Variants in SLC45A4 observed in about 807,000 individuals in gnomAD.
SLC45A4 encodes the protein solute carrier family 45 member 4, also known as polyamine-transporter SLC45A4.
A neutral mutation model predicts 63.7 loss-of-function variants in SLC45A4; 32 were observed. The ratio of observed to expected loss-of-function variants is 0.50; its 90% CI spans 0.38 to 0.67. The LOEUF (loss-of-function observed/expected upper bound fraction) is 0.67. SLC45A4 is among the 30% of genes least tolerant of loss of function. The pLI is 0.00. For missense variants in SLC45A4, 1,027 were observed against 1,157.7 expected, an observed-to-expected ratio of 0.89 and a Z score of 1.64; for synonymous variants, 535 against 510.0, an observed-to-expected ratio of 1.05 and a Z score of -0.66.
rs1385517432 is a variant in SLC45A4, at chr8:141,254,020, G to A, written c.210C>T (p.Thr70=). ...FGREFCYAME[T]ALVTPILLQI... is the part of the protein sequence containing the mutation. ...GCAACAGTATTGGTGTGACCAGAGC[G>A]GTTTCCATGGCGTAACAGAACTCCC... Residue 70 remains threonine, a synonymous_variant, in exon 2 of 9, where the codon ACC becomes ACT. Transcript: ENST00000517878. This position sits in a 1 kb window ranked among gnomAD's most constrained non-coding sequence, Gnocchi z 4.5. 66 of 1,536,142 alleles carry A rather than the reference G, an allele frequency of 4.3e-5. No individual in the cohort carries two copies. The highest frequency in any genetic ancestry group is 3.3e-4 in the Middle Eastern group (2 of 5,988).
intron 1 of SLC45A4, among the ~76,000 whole-genome samples, chr8:141,255,394 T>C (rs1164434323): frequency 6.6e-6 from 1 of 152,136 alleles, no homozygotes; most frequent in Admixed American, 6.5e-5. Flanking sequence ...AGGGAAACTG[T>C]AGACCCTGCC....
intron 1 of SLC45A4, among the ~76,000 whole-genome samples, chr8:141,300,262 C>G (rs770053932): frequency 2.6e-5 from 4 of 152,182 alleles, no homozygotes; most frequent in Non-Finnish European, 5.9e-5. Context: ...ACCCCAGGTC[C>G]GTCAAATCTC....
chr8:141,226,147 C>G (rs1279669405), intron 2 of SLC45A4: 1 of 152,368 alleles, frequency 6.6e-6, no homozygotes, highest in East Asian at 1.9e-4. Context: ...CCTGCGGTGT[C>G]AGGGCCCGCG....
At chr8:141,291,738 A>C (rs983713220) in intron 1 of SLC45A4, among the ~76,000 whole-genome samples, 11 of 152,222 alleles carry the variant, frequency 7.2e-5, no homozygotes, top group Non-Finnish European at 1.6e-4. Context: ...TCCCTGGGTC[A>C]ATGTTACTGG....
intron 2 of SLC45A4, among the ~76,000 whole-genome samples, chr8:141,231,183 T>G (rs1589789928): frequency 6.7e-6 from 1 of 150,322 alleles, no homozygotes. Flanking sequence ...GTGCGGAGGG[T>G]GGGATGAAGG....
At chr8:141,294,022 G>C (rs1008986723) in intron 1 of SLC45A4, among the ~76,000 whole-genome samples, 2 of 152,146 alleles carry the variant, frequency 1.3e-5, no homozygotes, top group African/African-American at 4.8e-5. Flanking sequence ...TTTGAACAAG[G>C]GTTGAGACAT....
intron 7 of SLC45A4, 135 bp from the exon 8 acceptor site, chr8:141,212,691 G>A: frequency 9.4e-7 from 1 of 1,062,804 alleles, no homozygotes; most frequent in Non-Finnish European, 1.3e-6. Context: ...AACCACTCCT[G>A]CCTGAGCACC....
chr8:141,243,892 A>AACATATAAT (rs1828036616), intron 2 of SLC45A4, among the ~76,000 whole-genome samples: 1 of 152,150 alleles, frequency 6.6e-6, no homozygotes, highest in Non-Finnish European at 1.5e-5. Context: ...CTTTACTATA[A>AACATATAAT]ACATATAATA....
intron 1 of SLC45A4, among the ~76,000 whole-genome samples, chr8:141,303,394 C>T (rs1830809616): frequency 6.6e-6 from 1 of 150,820 alleles, no homozygotes; most frequent in South Asian, 2.1e-4. Context: ...CCTGCCTCAG[C>T]CTCCAAGAGT....
intron 1 of SLC45A4, among the ~76,000 whole-genome samples, chr8:141,288,046 T>C (rs1196713390): frequency 1.3e-5 from 2 of 152,174 alleles, no homozygotes; most frequent in African/African-American, 4.8e-5. Context: ...TGGTGGTGGC[T>C]CACATCTGTA....
chr8:141,269,563 A>C (rs1048953283), intron 1 of SLC45A4, among the ~76,000 whole-genome samples: 2 of 139,858 alleles, frequency 1.4e-5, no homozygotes, highest in African/African-American at 2.7e-5. Context: ...TCTGTGTGTC[A>C]ATGTCTGCCT....
chr8:141,213,644 A>G (rs1406949065), intron 7 of SLC45A4, among the ~76,000 whole-genome samples: 1 of 152,256 alleles, frequency 6.6e-6, no homozygotes, highest in Non-Finnish European at 1.5e-5. Flanking sequence ...AGCAACAGCA[A>G]ATTAAACCAA....
intron 1 of SLC45A4, among the ~76,000 whole-genome samples, chr8:141,283,704 A>G (rs1830042134): frequency 1.3e-5 from 2 of 152,214 alleles, no homozygotes; most frequent in Non-Finnish European, 1.5e-5. Context: ...GAAAAGTGGC[A>G]GTGTGGGTAC....
At chr8:141,241,730 C>T (rs1288686060) in intron 2 of SLC45A4, among the ~76,000 whole-genome samples, 2 of 152,070 alleles carry the variant, frequency 1.3e-5, no homozygotes, top group Admixed American at 1.3e-4. Flanking sequence ...GGTCTGGGCA[C>T]CCCCACTGCC....
At chr8:141,258,714 C>T (rs955469345) in intron 1 of SLC45A4, among the ~76,000 whole-genome samples, 1 of 152,078 alleles carries the variant, frequency 6.6e-6, no homozygotes, top group South Asian at 2.1e-4. Context: ...AAGACTCCAT[C>T]TCTATAATTA....
At chr8:141,230,467 G>T in intron 2 of SLC45A4, 1 of 198,840 alleles carries the variant, frequency 5.0e-6, no homozygotes, top group Non-Finnish European at 1.1e-5. Context: ...AAACAGCTGT[G>T]CCGGAGAGGG....
intron 1 of SLC45A4, among the ~76,000 whole-genome samples, chr8:141,269,935 G>A (rs1033639996): frequency 6.6e-6 from 1 of 152,144 alleles, no homozygotes; most frequent in Admixed American, 6.5e-5. Context: ...AGGCAGCCCA[G>A]TGTGCATGCC....
chr8:141,217,124 C>G lies in SLC45A4; in HGVS notation c.1695G>C (p.Leu565=), dbSNP rs745457662. The change falls in exon 6 of 9, where the codon CTG becomes CTC. Residue 565 remains leucine (L), a synonymous_variant. Transcript: ENST00000517878. ...NAGVKMGCWG[L]VIYAATGAIC... ...TAGCACCAGTGGCGGCATAAATGACCAGGCCCCAGCAGCCCATCTTGACCC... is the reference window on the plus strand; with the variant it reads ...TAGCACCAGTGGCGGCATAAATGACGAGGCCCCAGCAGCCCATCTTGACCC... 2.2e-5 allele frequency: 36 copies of G among 1,613,910 alleles called. No individual in the cohort carries two copies. The South Asian group carries it at 3.7e-4, about 17-fold the overall frequency.
chr8:141,280,105 C>T (rs531046324), intron 1 of SLC45A4, among the ~76,000 whole-genome samples: 71 of 152,340 alleles, frequency 4.7e-4, no homozygotes, highest in Admixed American at 1.8e-3. Context: ...CCCAGCACCA[C>T]GCTGGCCCCT....
Sources: allele counts gnomAD v4.1 joint callset (sites outside exome capture counted in the v4.1 genomes callset), GRCh38; gene constraint gnomAD v4.1.1; non-coding constraint Gnocchi (gnomAD v3.1); transcripts MANE v1.5; gene names NCBI Gene and HGNC (gene_info 2026-07-23, HGNC 2026-07-21).